GLOD5: variants seen among roughly 807,000 people sequenced by gnomAD.
GLOD5 encodes the protein glyoxalase domain containing 5, also known as glyoxalase domain-containing protein 5.
A neutral mutation model predicts 9.9 loss-of-function variants in GLOD5; 7 were observed. That is an observed-to-expected ratio of 0.71 (90% CI 0.40 to 1.33). The LOEUF (loss-of-function observed/expected upper bound fraction) is 1.33, where lower values mean the gene tolerates loss of function less well. Among genes scored for constraint, GLOD5 ranks in the 40% most tolerant of loss-of-function variants. The pLI is 0.01. For synonymous variants in GLOD5, 49 were observed against 47.3 expected, an observed-to-expected ratio of 1.04 and a Z score of -0.14; for missense variants, 146 against 128.4, an observed-to-expected ratio of 1.14 and a Z score of -0.66.
intron 3 of GLOD5, among the ~76,000 whole-genome samples, chrX:48,772,208 G>C (rs1170566548): frequency 6.3e-5 from 7 of 110,606 alleles, no homozygotes; most frequent in Non-Finnish European, 1.1e-4. Flanking sequence ...CTGCACTCCA[G>C]CCTGGGTGAT....
At chrX:48,770,808 G>T in intron 2 of GLOD5, 119 bp from the exon 3 acceptor site, 1 of 520,131 alleles carries the variant, frequency 1.9e-6, no homozygotes, top group Non-Finnish European at 3.0e-6. Flanking sequence ...TTGTGTAGTA[G>T]CCCCATTCTA....
Position 48,765,815 on chromosome X carries a change from A to G in GLOD5, c.64-20A>G, listed in dbSNP as rs143505421. The G allele has an allele frequency of 2.2e-3, 2,557 of 1,179,068 alleles. 47 individuals carry two copies. The African/African-American group carries it at 0.041, about 19-fold the overall frequency. On this transcript the variant is annotated intron_variant, in intron 1 of 3. Coordinates refer to ENST00000303227, the MANE Select transcript of GLOD5 (RefSeq NM_001080489.3). ...ACAAGTGGCAATGTGGTCTCTTCTG[A>G]CTTTTTTTTCTTTTTTTAGTCATGG...
chrX:48,770,940 C>T lies in GLOD5; in HGVS notation c.215C>T (p.Ala72Val), dbSNP rs1557017290. The stretch of plus-strand genomic sequence containing the variant: ...CCCACCAAGTAGGAAGACCGGAAAG[C>T]ACTGTGTTTTGGAGACCAGAAATTT... The part of the protein sequence containing the change: ...EVMTFKEDRK[A>V]LCFGDQKFNL... The change falls in exon 3 of 4, where the codon GCA becomes GTA. Residue 72 changes from alanine (A) to valine (V), a missense_variant. Physicochemically the swap from Ala to Val is moderately conservative, Grantham distance 64 (BLOSUM62 0). Coordinates refer to ENST00000303227, the MANE Select transcript of GLOD5 (RefSeq NM_001080489.3). The T allele has an allele frequency of 8.4e-7, 1 of 1,190,241 alleles. No homozygotes were observed. The highest frequency in any genetic ancestry group is 1.1e-6 in the Non-Finnish European group (1 of 886,251).
At chrX:48,773,249 T>G in intron 3 of GLOD5, 61 bp from the exon 4 acceptor site, 1 of 1,166,665 alleles carries the variant, frequency 8.6e-7, no homozygotes, top group African/African-American at 1.8e-5. Context: ...AAAAAGGCAT[T>G]AAATTTTGGT....
At chrX:48,766,139 T>A in intron 2 of GLOD5, 167 bp downstream of exon 2, 5 of 459,714 alleles carry the variant, frequency 1.1e-5, no homozygotes, top group African/African-American at 4.9e-5. Flanking sequence ...AGAGAGAGAA[T>A]GGAGAAAAAA....
Position 48,773,326 on chromosome X carries a change from T to C in GLOD5, c.374T>C (p.Ile125Thr), listed in dbSNP as rs1557017662. ...IQHLKACDVP[I>T]EEGPVPRTGA... ...CCACTTCAGGCTTGTGATGTCCCTA[T>C]TGAGGAGGGGCCAGTCCCCAGAACA... Residue 125 changes from isoleucine to threonine, a missense_variant, in exon 4 of 4, where the codon ATT (isoleucine) becomes ACT (threonine). Physicochemically the swap from Ile to Thr is moderately conservative, Grantham distance 89. Transcript: ENST00000303227. 1.3e-5 allele frequency: 16 copies of C among 1,210,674 alleles called. No homozygotes were observed. In the South Asian group the frequency reaches 2.3e-4, roughly 17 times the overall value.
chrX:48,773,598 T>C lies in GLOD5; in HGVS notation c.*163T>C. On this transcript the variant is annotated 3_prime_UTR_variant, in exon 4 of 4. Transcript: ENST00000303227. Reference sequence around the variant, plus strand: ...AGACAGGTTTGGGACCAAACCTACATGTCTGTATGTCATCAAAGTTGGCCT... The same window carrying C: ...AGACAGGTTTGGGACCAAACCTACACGTCTGTATGTCATCAAAGTTGGCCT... The C allele has an allele frequency of 2.1e-6, 1 of 486,949 alleles. No individual in the cohort carries two copies. Among genetic ancestry groups the C allele is most frequent in the Non-Finnish European group, 3.4e-6 (1 of 292,615 alleles). 40.1% of individuals were successfully genotyped at this position (486,949 alleles called of 1,213,427 possible).
intron 2 of GLOD5, among the ~76,000 whole-genome samples, chrX:48,767,327 A>G (rs1371200156): frequency 8.9e-6 from 1 of 112,032 alleles, no homozygotes; most frequent in Non-Finnish European, 1.9e-5. Flanking sequence ...ATTCAGTGAT[A>G]AAAACAAATG....
intron 2 of GLOD5, among the ~76,000 whole-genome samples, chrX:48,767,374 C>T (rs2062612081): frequency 8.9e-6 from 1 of 112,133 alleles, no homozygotes; most frequent in South Asian, 3.7e-4. Flanking sequence ...TGCCTATAAT[C>T]CCAACACTTT....
intron 3 of GLOD5, among the ~76,000 whole-genome samples, chrX:48,772,848 G>A: frequency 9.0e-6 from 1 of 110,953 alleles, no homozygotes; most frequent in Middle Eastern, 4.6e-3. Flanking sequence ...TAGCTGATAA[G>A]TGGCTGGAAC....
intron 1 of GLOD5, among the ~76,000 whole-genome samples, chrX:48,765,421 T>C (rs1370053865): frequency 9.3e-6 from 1 of 107,725 alleles, no homozygotes; most frequent in Non-Finnish European, 1.9e-5. Flanking sequence ...CTACTAAAAA[T>C]ACAAAAATTA....
chrX:48,765,855 GA>G lies in GLOD5; in HGVS notation c.85del (p.Thr29ProfsTer14), dbSNP rs1569497544. ...EKQSWRDSSQ[T>X]PPPCLIRRLD... ...TTTAGTCATGGAGGGACAGCAGTCA[GA>G]CCCCTCCCCCATGTCTTATCCGTAG... On this transcript the variant is annotated frameshift_variant, in exon 2 of 4. Transcript: ENST00000303227. LOFTEE classifies it high-confidence loss of function. 1.7e-6 allele frequency: 2 copies of G among 1,191,535 alleles called. No homozygotes were observed. Among genetic ancestry groups the G allele is most frequent in the East Asian group, 6.0e-5 (2 of 33,538 alleles).
At chrX:48,768,399 G>A (rs2062614249) in intron 2 of GLOD5, among the ~76,000 whole-genome samples, 1 of 112,186 alleles carries the variant, frequency 8.9e-6, no homozygotes, top group African/African-American at 3.2e-5. Flanking sequence ...CTAAGGTGGA[G>A]ATGGGAATGG....
In GLOD5 at chrX:48,761,766, C is replaced by T. The variant is rs1363250388; in HGVS notation, c.-25C>T. On this transcript the variant is annotated 5_prime_UTR_variant, in exon 1 of 4. Transcript: ENST00000303227. ...TGAGCCAGAGGATTGTCGGGAGGACCCTGGGCAAAGACGCCTACCCTGCCA... is the reference window on the plus strand; with the variant it reads ...TGAGCCAGAGGATTGTCGGGAGGACTCTGGGCAAAGACGCCTACCCTGCCA... 7 of 1,153,799 alleles carry T rather than the reference C, an allele frequency of 6.1e-6. No homozygotes were observed. The highest frequency in any genetic ancestry group is 8.1e-6 in the Non-Finnish European group (7 of 862,665).
intron 2 of GLOD5, chrX:48,766,383 A>G: frequency 7.3e-6 from 1 of 137,138 alleles, no homozygotes; most frequent in Non-Finnish European, 1.4e-5. Context: ...CCAAAAGATA[A>G]AAGGACACCT....
chrX:48,766,985 C>CAAAAAAAAAAAAAAAA lies in GLOD5; in HGVS notation c.201+1018_201+1033dup, dbSNP rs782648787. On this transcript the variant is annotated intron_variant, in intron 2 of 3. Transcript: ENST00000303227. ...TGGGTGACAGAGCAAGATTCCATCT[C>CAAAAAAAAAAAAAAAA]AAAAAAAAAAAAAAAAAAAACCAAC... Among the ~76,000 whole-genome samples, 27 of 3,020 alleles carry CAAAAAAAAAAAAAAAA rather than the reference C, an allele frequency of 8.9e-3. 9 individuals are homozygous for CAAAAAAAAAAAAAAAA. Among genetic ancestry groups the CAAAAAAAAAAAAAAAA allele is most frequent in the Admixed American group, 0.032 (3 of 95 alleles). 2.6% of individuals were successfully genotyped at this position (3,020 alleles called of 115,157 possible). A position where few individuals can be genotyped will look rare whatever the true frequency, so the allele number is the denominator to read the frequency against.
intron 1 of GLOD5, 52 bp from the exon 2 acceptor site, chrX:48,765,783 G>T: frequency 8.5e-7 from 1 of 1,175,387 alleles, no homozygotes; most frequent in Non-Finnish European, 1.1e-6. Flanking sequence ...AGAAAACACA[G>T]GCGTTGACAA....
At position 48,766,801 on chromosome X, in the gene GLOD5, C is replaced by T. The variant is rs148765964; in HGVS notation, c.201+829C>T. Among the ~76,000 whole-genome samples the T allele has an allele frequency of 3.4e-3, 345 of 102,465 alleles. 11 individuals carry two copies. Among genetic ancestry groups the T allele is most frequent in the Admixed American group, 0.027 (241 of 9,048 alleles). 89.0% of individuals were successfully genotyped at this position (102,465 alleles called of 115,157 possible). A position where few individuals can be genotyped will look rare whatever the true frequency, so the allele number is the denominator to read the frequency against. ...TAGAATAAAAGCATTCTTAGTCATA[C>T]GAAGTCTTACAAAATTTCCCACTTG... On this transcript the variant is annotated intron_variant, in intron 2 of 3. Transcript: ENST00000303227.
intron 1 of GLOD5, among the ~76,000 whole-genome samples, chrX:48,765,096 C>T (rs1166793471): frequency 9.0e-6 from 1 of 110,693 alleles, no homozygotes; most frequent in Non-Finnish European, 1.9e-5. Context: ...GTCTTGTTCT[C>T]TGTGACTGAA....
Sources: allele counts gnomAD v4.1 joint callset (sites outside exome capture counted in the v4.1 genomes callset), GRCh38; gene constraint gnomAD v4.1.1; transcripts MANE v1.5; gene names NCBI Gene and HGNC (gene_info 2026-07-23, HGNC 2026-07-21).